SERINC5: variants seen among roughly 807,000 people sequenced by gnomAD.
SERINC5 encodes the protein chromosome 5 open reading frame 12.
SERINC5 carries 41 observed loss-of-function variants against 63.1 expected under a neutral mutation model. The ratio of observed to expected loss-of-function variants is 0.65; its 90% CI spans 0.51 to 0.84. The LOEUF (loss-of-function observed/expected upper bound fraction) is 0.84. Ranked by LOEUF, SERINC5 falls within the 40% of genes least tolerant of loss-of-function variation. SERINC5 has a pLI of 0.00. For synonymous variants in SERINC5, 222 were observed against 215.2 expected (o/e 1.03, Z -0.28); for missense variants, 523 against 573.0 (o/e 0.91, Z 0.89).
rs1744486021 is a variant in SERINC5, at chr5:80,120,131, C to A, written c.1239-6506G>T. On this transcript the variant is annotated intron_variant, in intron 11 of 12. Transcript: ENST00000509193. ...CAATGATAATTATGTAAAGTGCCTG[C>A]TCATAGTAGATTGAAGCAGAGACTG... Among the ~76,000 whole-genome samples, 3 of 152,278 alleles carry A rather than the reference C, an allele frequency of 2.0e-5. No individual in the cohort carries two copies. In the South Asian group the frequency reaches 6.2e-4, roughly 32 times the overall value.
At position 80,143,186 on chromosome 5, in the gene SERINC5, G is replaced by C; in HGVS notation, c.*477C>G. On this transcript the variant is annotated 3_prime_UTR_variant, in exon 12 of 12. Transcript: ENST00000507668. ...AAATACCAGGGGCCCTGCAGGCTGA[G>C]TCCTGTCCTCAAAGCCCCCTGGGGA... 1.0e-6 allele frequency: 1 copy of C among 987,226 alleles called. No individual in the cohort carries two copies. Among genetic ancestry groups the C allele is most frequent in the Non-Finnish European group, 1.2e-6 (1 of 831,210 alleles). The allele number at this position is 987,226 out of a possible 1,614,324, so 61.2% of individuals were successfully genotyped here.
At position 80,232,217 on chromosome 5, in the gene SERINC5, A is replaced by G. The variant is rs547467489; in HGVS notation, c.27+23679T>C. Reference sequence around the variant, plus strand: ...CAGGAGATCAAGACCATCCTGGCTAACACCGTAAAACCCTGTCTCTACTAA... The same window carrying G: ...CAGGAGATCAAGACCATCCTGGCTAGCACCGTAAAACCCTGTCTCTACTAA... On this transcript the variant is annotated intron_variant, in intron 1 of 11. Transcript: ENST00000507668. 9.7e-4 allele frequency among the ~76,000 whole-genome samples: 146 copies of G among 150,782 alleles called. 1 individual carries two copies. Among genetic ancestry groups the G allele is most frequent in the Admixed American group, 1.2e-3 (18 of 15,118 alleles).
intron 2 of SERINC5, among the ~76,000 whole-genome samples, chr5:80,196,773 T>C (rs765517609): frequency 7.9e-5 from 12 of 151,846 alleles, no homozygotes; most frequent in Non-Finnish European, 1.8e-4. Context: ...ACCCTGTCTC[T>C]ACCAAAAATA....
chr5:80,232,508 AG>A (rs1335077213), intron 1 of SERINC5, among the ~76,000 whole-genome samples: 1 of 142,844 alleles, frequency 7.0e-6, no homozygotes, highest in Non-Finnish European at 1.6e-5. Flanking sequence ...AGTACTGGCC[AG>A]GCACAGTGGC....
At chr5:80,191,613 T>A (rs2112460532) in intron 2 of SERINC5, among the ~76,000 whole-genome samples, 1 of 146,054 alleles carries the variant, frequency 6.8e-6, no homozygotes, top group African/African-American at 2.5e-5. Flanking sequence ...CAGTGAGCCA[T>A]GATCGTGCCA....
At chr5:80,148,447 C>T (rs1027314477) in intron 9 of SERINC5, among the ~76,000 whole-genome samples, 1 of 151,926 alleles carries the variant, frequency 6.6e-6, no homozygotes, top group Non-Finnish European at 1.5e-5. Flanking sequence ...ACCTCGGCCT[C>T]CCAAAGTGCT....
In SERINC5 at chr5:80,166,367, T is replaced by TA; in HGVS notation, c.859+15dup. On this transcript the variant is annotated intron_variant, in intron 7 of 11. Transcript: ENST00000507668. The stretch of plus-strand genomic sequence containing the variant: ...ATTCACACCGCAAACACAAGCCCAC[T>TA]AACAGGCTGGCTTACCTACTTCTGC... 6.5e-7 allele frequency: 1 copy of TA among 1,537,198 alleles called. No individual in the cohort carries two copies. The highest frequency in any genetic ancestry group is 8.9e-7 in the Non-Finnish European group (1 of 1,129,156).
At chr5:80,136,973 C>T (rs1256606912), downstream of SERINC5, among the ~76,000 whole-genome samples, 2 of 151,112 alleles carry the variant, frequency 1.3e-5, no homozygotes, top group Non-Finnish European at 3.0e-5. Flanking sequence ...ATCTCTACCC[C>T]CAAAAATACA....
chr5:80,169,470 T>G lies in SERINC5; in HGVS notation c.628A>C (p.Thr210Pro), dbSNP rs2112384639. 1 of 1,613,900 alleles carries G rather than the reference T, an allele frequency of 6.2e-7. No individual in the cohort carries two copies. The highest frequency in any genetic ancestry group is 8.5e-7 in the Non-Finnish European group (1 of 1,179,834). Residue 210 changes from threonine to proline, a missense_variant, in exon 6 of 12, where the codon ACT (threonine) becomes CCT (proline). Physicochemically the swap from Thr to Pro is conservative, Grantham distance 38. Coordinates refer to ENST00000507668, the MANE Select transcript of SERINC5 (RefSeq NM_001174072.3). ...ACTGCCATCAAAACCAAGCCTCCAG[T>G]GGCAATGGAATACATGATGAGCGTC... is the stretch of plus-strand genomic sequence containing the variant. Reference protein sequence around the residue: ...LVTLIMYSIATGGLVLMAVFY... With the variant: ...LVTLIMYSIAPGGLVLMAVFY...
Position 80,169,506 on chromosome 5 carries a change from G to A in SERINC5, c.592C>T (p.Leu198=), listed in dbSNP as rs1747514215. Residue 198 remains leucine, a synonymous_variant, in exon 6 of 12, where the codon CTG becomes TTG. Coordinates refer to ENST00000507668, the MANE Select transcript of SERINC5 (RefSeq NM_001174072.3). The part of the protein sequence containing the change: ...TASNKLWYAS[L]ALVTLIMYSI... The stretch of plus-strand genomic sequence containing the variant: ...TACATGATGAGCGTCACCAGGGCCA[G>A]GGAGGCGTACCACAGCTTGTTACTG... 6.2e-7 allele frequency: 1 copy of A among 1,613,770 alleles called. No homozygotes were observed. Among genetic ancestry groups the A allele is most frequent in the Non-Finnish European group, 8.5e-7 (1 of 1,179,858 alleles).
chr5:80,161,257 TTC>T (rs1447066338), intron 7 of SERINC5, among the ~76,000 whole-genome samples: 2 of 152,250 alleles, frequency 1.3e-5, no homozygotes, highest in East Asian at 3.9e-4. Context: ...CTATTTTTAG[TTC>T]TCTGAGAAAT....
At chr5:80,237,642 TTCTC>T (rs1227152911) in intron 1 of SERINC5, among the ~76,000 whole-genome samples, 3 of 151,920 alleles carry the variant, frequency 2.0e-5, no homozygotes, top group African/African-American at 4.8e-5. Context: ...CAGTTGCCAG[TTCTC>T]TCTAATAATC....
chr5:80,251,722 G>C (rs541503996), intron 1 of SERINC5, among the ~76,000 whole-genome samples: 3 of 145,048 alleles, frequency 2.1e-5, no homozygotes. Context: ...AGAATGAGAC[G>C]CTGTCTCAAA....
At chr5:80,182,245 T>C (rs1489234044) in intron 2 of SERINC5, among the ~76,000 whole-genome samples, 1 of 152,204 alleles carries the variant, frequency 6.6e-6, no homozygotes, top group Non-Finnish European at 1.5e-5. Context: ...TGGTTACCTC[T>C]GACCTTGGCG....
chr5:80,150,830 G>T, intron 9 of SERINC5, 52 bp downstream of exon 9: 1 of 1,301,728 alleles, frequency 7.7e-7, no homozygotes, highest in Non-Finnish European at 1.1e-6. Flanking sequence ...AGGCCCTCCT[G>T]AGAAATGGAT....
At chr5:80,137,683 T>C (rs1237087013), downstream of SERINC5, among the ~76,000 whole-genome samples, 1 of 142,846 alleles carries the variant, frequency 7.0e-6, no homozygotes, top group Non-Finnish European at 1.5e-5. Flanking sequence ...GGCTCACGTC[T>C]GTAATCCCAG....
At chr5:80,251,290 G>GCATACATACATA (rs201874043) in intron 1 of SERINC5, among the ~76,000 whole-genome samples, 64 of 98,592 alleles carry the variant, frequency 6.5e-4, no homozygotes, top group Non-Finnish European at 8.7e-4. Flanking sequence ...ATACATACAT[G>GCATACATACATA]CATACATACA....
At chr5:80,165,018 C>A (rs1747194355) in intron 7 of SERINC5, among the ~76,000 whole-genome samples, 1 of 137,842 alleles carries the variant, frequency 7.3e-6, no homozygotes. Flanking sequence ...GCTTAGATTA[C>A]AGGCATGTGC....
intron 10 of SERINC5, among the ~76,000 whole-genome samples, chr5:80,146,613 C>T (rs950843914): frequency 9.2e-5 from 14 of 152,018 alleles, no homozygotes; most frequent in East Asian, 1.9e-4. Context: ...CCACCACGCC[C>T]GGCTAATTTT....
Sources: allele counts gnomAD v4.1 joint callset (sites outside exome capture counted in the v4.1 genomes callset), GRCh38; gene constraint gnomAD v4.1.1; transcripts MANE v1.5; gene names NCBI Gene and HGNC (gene_info 2026-07-23, HGNC 2026-07-21).